The following LRRC37A3 variants were observed in gnomAD, a reference collection of about 807,000 sequenced individuals.
The protein encoded by LRRC37A3 is leucine rich repeat containing 37 member A3.
LRRC37A3 carries 25 observed loss-of-function variants against 106.2 expected under a neutral mutation model. That is an observed-to-expected ratio of 0.24 (90% CI 0.17 to 0.33). The LOEUF is 0.33. Among genes scored for constraint, LRRC37A3 ranks in the 10% least tolerant of loss-of-function variants. The pLI, the probability that LRRC37A3 is intolerant of heterozygous loss-of-function variation, is 1.00. For synonymous variants in LRRC37A3, 305 were observed against 635.8 expected, an observed-to-expected ratio of 0.48 and a Z score of 7.83; for missense variants, 712 against 1,644.9, an observed-to-expected ratio of 0.43 and a Z score of 9.81.
intron 2 of LRRC37A3, chr17:64,899,662 T>C (rs1386714717): frequency 2.5e-4 from 37 of 146,074 alleles, no homozygotes; most frequent in Non-Finnish European, 3.7e-4. Context: ...TCAAAAGCTG[T>C]AGCGCAATCA....
chr17:64,855,793 C>T lies in LRRC37A3; in HGVS notation c.4859+47G>A, dbSNP rs140281733. 6,663 of 1,609,540 alleles carry T rather than the reference C, an allele frequency of 4.1e-3. 16 individuals are homozygous for T. The highest frequency in any genetic ancestry group is 5.1e-3 in the Non-Finnish European group (6,041 of 1,178,264). ...CTCCAGCCTGGCAACAAGAGGGAAA[C>T]TCCGTCTCAAAAGAAAAGAAAAAAA... On this transcript the variant is annotated intron_variant, in intron 14 of 14. Coordinates refer to ENST00000584306, the MANE Select transcript of LRRC37A3 (RefSeq NM_199340.5).
Position 64,859,594 on chromosome 17 carries a change from C to T in LRRC37A3, c.4552G>A (p.Val1518Ile), listed in dbSNP as rs17842448. Residue 1518 changes from valine (V) to isoleucine (I), a missense_variant, in exon 12 of 15, where the codon GTC (valine) becomes ATC (isoleucine). Transcript: ENST00000584306. ...AHVQVTCAKLVSRTGHLMKLL... is the reference protein window; with the variant it reads ...AHVQVTCAKLISRTGHLMKLL... ...TTCATCAGGTGGCCTGTCCTGGAGACGAGCTTGGCACAGGTCACTTGCACA... is the reference window on the plus strand; with the variant it reads ...TTCATCAGGTGGCCTGTCCTGGAGATGAGCTTGGCACAGGTCACTTGCACA... 7.2e-5 allele frequency: 116 copies of T among 1,612,860 alleles called. No homozygotes were observed. Among genetic ancestry groups the T allele is most frequent in the African/African-American group, 3.9e-4 (29 of 74,512 alleles).
chr17:64,866,702 C>T (rs1297029234), intron 10 of LRRC37A3, among the ~76,000 whole-genome samples: 2 of 124,742 alleles, frequency 1.6e-5, no homozygotes, highest in East Asian at 4.9e-4. Context: ...GCCATCTTGG[C>T]TCACTGCAAC....
At chr17:64,858,955 T>C in intron 12 of LRRC37A3, 72 bp from the exon 13 acceptor site, 1 of 1,065,720 alleles carries the variant, frequency 9.4e-7, no homozygotes, top group South Asian at 1.4e-5. Flanking sequence ...AGCTTACAGG[T>C]TCTTTTTTAT....
intron 8 of LRRC37A3, among the ~76,000 whole-genome samples, chr17:64,877,279 G>A (rs1307575239): frequency 6.6e-6 from 1 of 152,092 alleles, no homozygotes; most frequent in African/African-American, 2.4e-5. Flanking sequence ...TCGGCTTACT[G>A]CAACCTCCAC....
Position 64,897,362 on chromosome 17 carries a change from T to C in LRRC37A3, c.-105A>G, listed in dbSNP as rs1284198081. On this transcript the variant is annotated 5_prime_UTR_variant, in exon 4 of 15. Coordinates refer to ENST00000584306, the MANE Select transcript of LRRC37A3 (RefSeq NM_199340.5). The stretch of plus-strand genomic sequence containing the variant: ...GATCTGCTCCATGTCACCAGGGCAC[T>C]CTTATGTCACAATCCCGCCCAAGCA... 1.9e-6 allele frequency: 3 copies of C among 1,586,702 alleles called. No homozygotes were observed. The highest frequency in any genetic ancestry group is 3.6e-5 in the Admixed American group (2 of 54,972).
rs1972664988 is a variant in LRRC37A3, at chr17:64,855,977, T to A, written c.4810-88A>T. The A allele has an allele frequency of 3.1e-6, 5 of 1,602,016 alleles. No homozygotes were observed. In the Admixed American group the frequency reaches 8.4e-5, roughly 27 times the overall value. On this transcript the variant is annotated intron_variant, in intron 13 of 14. Coordinates refer to ENST00000584306, the MANE Select transcript of LRRC37A3 (RefSeq NM_199340.5). ...ATTGATTCCTTTTATTCATTATAAG[T>A]CTCATCTACCTGATGAGGTAACTTT... is the stretch of plus-strand genomic sequence containing the variant.
Position 64,855,873 on chromosome 17 carries a change from C to T in LRRC37A3, c.4826G>A (p.Arg1609Lys), listed in dbSNP as rs1209819974. Residue 1609 changes from arginine (R) to lysine (K), a missense_variant, in exon 14 of 15, where the codon AGG becomes AAG. Transcript: ENST00000584306. The part of the protein sequence containing the change: ...LCLIEICCHR[R>K]SLQEDEEGFS... The stretch of plus-strand genomic sequence containing the variant: ...TCCTTCTTCATCTTCTTGTAATGAC[C>T]TTCGGTGACAACAGATCTGTTTTAG... 6.2e-7 allele frequency: 1 copy of T among 1,611,802 alleles called. No homozygotes were observed. Among genetic ancestry groups the T allele is most frequent in the Non-Finnish European group, 8.5e-7 (1 of 1,179,704 alleles).
intron 2 of LRRC37A3, among the ~76,000 whole-genome samples, chr17:64,912,640 TA>T (rs1974615907): frequency 6.6e-6 from 1 of 151,488 alleles, no homozygotes; most frequent in Non-Finnish European, 1.5e-5. Context: ...AAAGGAAACC[TA>T]AATCCAATCA....
At chr17:64,854,880 C>G (rs1972622256) in intron 14 of LRRC37A3, among the ~76,000 whole-genome samples, 2 of 152,220 alleles carry the variant, frequency 1.3e-5, no homozygotes, top group Admixed American at 6.5e-5. Context: ...GCTCATTCCC[C>G]AGGCTGGAGT....
chr17:64,859,787 G>A lies in LRRC37A3; in HGVS notation c.4359C>T (p.Asp1453=). 6.2e-7 allele frequency: 1 copy of A among 1,612,328 alleles called. No homozygotes were observed. The highest frequency in any genetic ancestry group is 8.5e-7 in the Non-Finnish European group (1 of 1,179,958). ...TKWEYNNVGT[D]LSPEPKSFNY... is the part of the protein sequence containing the mutation. ...TGAAGCTTTTGGGCTCGGGGGACAG[G>A]TCAGTGCCCACGTTGTTGTATTCCC... Residue 1453 remains aspartate (D), a synonymous_variant, in exon 12 of 15, where the codon GAC becomes GAT. Transcript: ENST00000584306.
At chr17:64,865,600 G>A (rs544285789) in intron 10 of LRRC37A3, among the ~76,000 whole-genome samples, 34 of 152,144 alleles carry the variant, frequency 2.2e-4, no homozygotes, top group Non-Finnish European at 2.9e-4. Context: ...TTTGCTTTCC[G>A]TGTGTGTATG....
At chr17:64,866,251 G>C (rs1973066552) in intron 10 of LRRC37A3, among the ~76,000 whole-genome samples, 1 of 151,942 alleles carries the variant, frequency 6.6e-6, no homozygotes, top group South Asian at 2.1e-4. Flanking sequence ...CATCCAGAGA[G>C]GAAGGGATCC....
At chr17:64,915,250 C>T (rs1352554155) in intron 2 of LRRC37A3, among the ~76,000 whole-genome samples, 2 of 148,338 alleles carry the variant, frequency 1.3e-5, no homozygotes, top group Admixed American at 1.3e-4. Context: ...TAAATATGTA[C>T]ACTCTACCTT....
chr17:64,880,545 A>G (rs1973664939), intron 8 of LRRC37A3, among the ~76,000 whole-genome samples: 1 of 152,220 alleles, frequency 6.6e-6, no homozygotes, highest in East Asian at 1.9e-4. Context: ...CTCCCAGTCC[A>G]TCGACTTTTT....
At chr17:64,914,350 G>C (rs1180001383) in intron 2 of LRRC37A3, among the ~76,000 whole-genome samples, 2 of 152,060 alleles carry the variant, frequency 1.3e-5, no homozygotes, top group African/African-American at 2.4e-5. Flanking sequence ...CCCGAGGTCA[G>C]GAGTTCGAGA....
chr17:64,914,972 G>C (rs903111284), intron 2 of LRRC37A3, among the ~76,000 whole-genome samples: 24 of 151,866 alleles, frequency 1.6e-4, no homozygotes, highest in Admixed American at 2.6e-4. Context: ...ATGGTTACCG[G>C]GGGCTGGGAA....
chr17:64,910,588 C>T (rs1199639784), intron 2 of LRRC37A3, among the ~76,000 whole-genome samples: 1 of 149,600 alleles, frequency 6.7e-6, no homozygotes, highest in Non-Finnish European at 1.5e-5. Context: ...AAAAACAACT[C>T]TCTATAAAAT....
At chr17:64,893,644 T>A (rs1192872232) in intron 4 of LRRC37A3, among the ~76,000 whole-genome samples, 1 of 133,788 alleles carries the variant, frequency 7.5e-6, no homozygotes, top group Non-Finnish European at 1.5e-5. Flanking sequence ...TCTTCCCTCC[T>A]ATCATTTTTT....
Sources: gnomAD v4.1 joint callset for allele counts (sites outside exome capture counted in the v4.1 genomes callset) on GRCh38, gnomAD v4.1.1 for gene constraint, MANE v1.5 for transcripts, NCBI Gene and HGNC (gene_info 2026-07-23, HGNC 2026-07-21) for gene names.